Variants in STK35 observed in about 807,000 individuals in gnomAD.
STK35 encodes serine/threonine kinase 35, also known as serine/threonine-protein kinase 35.
STK35 carries 17 observed loss-of-function variants against 37.3 expected under a neutral mutation model. The ratio of observed to expected loss-of-function variants is 0.46; its 90% CI spans 0.31 to 0.68. The LOEUF is 0.68. Among genes scored for constraint, STK35 ranks in the 30% least tolerant of loss-of-function variants. The pLI is 0.05. For synonymous variants in STK35, 385 were observed against 319.1 expected, an observed-to-expected ratio of 1.21 and a Z score of -2.20; for missense variants, 595 against 746.7, an observed-to-expected ratio of 0.80 and a Z score of 2.37.
At position 2,102,916 on chromosome 20, in the gene STK35, C is replaced by T. The variant is rs749717185; in HGVS notation, c.443C>T (p.Pro148Leu). 3.9e-6 allele frequency: 6 copies of T among 1,555,152 alleles called. No homozygotes were observed. The highest frequency in any genetic ancestry group is 4.3e-6 in the Non-Finnish European group (5 of 1,159,360). The change falls in exon 2 of 4, where the codon CCG (proline) becomes CTG (leucine). Residue 148 changes from proline to leucine, a missense_variant. Transcript: ENST00000381482. ...GGCGCCCGCAGAGGTACACAAAGCC[C>T]GGAGCGGAAAAGGCGAAGCCCAGTG... is the stretch of plus-strand genomic sequence containing the variant. Reference protein sequence around the residue: ...KDGARRGTQSPERKRRSPVPR... With the variant: ...KDGARRGTQSLERKRRSPVPR...
chr20:2,107,576 T>C (rs4814973), intron 2 of STK35, among the ~76,000 whole-genome samples: 8,881 of 152,062 alleles, frequency 0.058, 341 homozygotes, highest in Admixed American at 0.11. Context: ...TCTTAGAAAA[T>C]AGTACAGTTG....
intron 3 of STK35, among the ~76,000 whole-genome samples, chr20:2,121,261 G>C (rs1985811995): frequency 6.6e-6 from 1 of 152,316 alleles, no homozygotes; most frequent in East Asian, 1.9e-4. Flanking sequence ...AAGATGGGAG[G>C]CTGTTGCAAT....
At chr20:2,118,076 C>A (rs1036726131) in intron 3 of STK35, among the ~76,000 whole-genome samples, 1 of 152,096 alleles carries the variant, frequency 6.6e-6, no homozygotes, top group Non-Finnish European at 1.5e-5. Flanking sequence ...GATTGTATCC[C>A]ACCTACTCAC....
intron 2 of STK35, among the ~76,000 whole-genome samples, chr20:2,104,280 A>C (rs1985471263): frequency 6.6e-6 from 1 of 152,152 alleles, no homozygotes; most frequent in Non-Finnish European, 1.5e-5. Context: ...GTTTGAGGAG[A>C]CTTTCCGAGG....
In STK35 at chr20:2,102,068, T is replaced by G. The variant is rs929740729; in HGVS notation, c.187T>G (p.Ser63Ala). 5.1e-5 allele frequency: 78 copies of G among 1,521,612 alleles called. No homozygotes were observed. The African/African-American group carries it at 1.0e-3, about 20-fold the overall frequency. 94.3% of individuals were successfully genotyped at this position (1,521,612 alleles called of 1,614,324 possible). A position where few individuals can be genotyped will look rare whatever the true frequency, so the allele number is the denominator to read the frequency against. ...TACACGCCGGGCTCGGGCCGCCACC[T>G]CCCGCGCTGCTCGGTCCCGGAGGCA... ...SATRRARAATSRAARSRRQPG... is the reference protein window; with the variant it reads ...SATRRARAATARAARSRRQPG... Residue 63 changes from serine (S) to alanine (A), a missense_variant, in exon 1 of 4, where the codon TCC becomes GCC. Ser to Ala is a moderately conservative substitution (Grantham distance 99, BLOSUM62 1). Transcript: ENST00000381482.
chr20:2,102,898 G>T lies in STK35; in HGVS notation c.425G>T (p.Arg142Leu), dbSNP rs1409854331. The T allele has an allele frequency of 6.4e-7, 1 of 1,565,564 alleles. No individual in the cohort carries two copies. Among genetic ancestry groups the T allele is most frequent in the Admixed American group, 1.8e-5 (1 of 56,020 alleles). The change falls in exon 2 of 4, where the codon CGC becomes CTC. Residue 142 changes from arginine to leucine, a missense_variant. Arg to Leu is a moderately radical substitution (Grantham distance 102). This residue lies in a region of STK35 where 389 missense variants were observed against 320.0 expected (regional missense o/e 1.22). Coordinates refer to ENST00000381482, the MANE Select transcript of STK35 (RefSeq NM_080836.4). ...AAMETGKDGA[R>L]RGTQSPERKR... Reference sequence around the variant, plus strand: ...ATGGAAACGGGGAAGGACGGCGCCCGCAGAGGTACACAAAGCCCGGAGCGG... The same window carrying T: ...ATGGAAACGGGGAAGGACGGCGCCCTCAGAGGTACACAAAGCCCGGAGCGG...
chr20:2,135,587 G>T (rs1986073211), intron 3 of STK35, among the ~76,000 whole-genome samples: 1 of 152,248 alleles, frequency 6.6e-6, no homozygotes, highest in Admixed American at 6.5e-5. Context: ...CTTGGGCAGG[G>T]CGTTGTGGCT....
chr20:2,133,842 C>T (rs1016483107), intron 3 of STK35, among the ~76,000 whole-genome samples: 26 of 152,234 alleles, frequency 1.7e-4, no homozygotes, highest in African/African-American at 6.3e-4. Context: ...TAACTGCTTG[C>T]TCCACTGCCC....
At chr20:2,104,410 A>G (rs775286707) in intron 2 of STK35, among the ~76,000 whole-genome samples, 59 of 152,366 alleles carry the variant, frequency 3.9e-4, no homozygotes, top group Middle Eastern at 3.4e-3. Context: ...TAAATAAACT[A>G]AGGCTTAGAA....
intron 2 of STK35, among the ~76,000 whole-genome samples, chr20:2,111,127 C>T (rs1985609341): frequency 6.6e-6 from 1 of 152,180 alleles, no homozygotes; most frequent in African/African-American, 2.4e-5. Flanking sequence ...CCTCTTCTCA[C>T]CTCCTCCCTT....
chr20:2,117,403 G>C lies in STK35; in HGVS notation c.*25G>C. ...AAATTCAGGGCTAAGCATTTTGGGT[G>C]ATTTTAAACTAGGTGAGTGCTCTCT... On this transcript the variant is annotated 3_prime_UTR_variant, in exon 3 of 4. Transcript: ENST00000381482. This position sits in a 1 kb window ranked among gnomAD's most constrained non-coding sequence, Gnocchi z 4.4. 6.5e-7 allele frequency: 1 copy of C among 1,549,610 alleles called. No individual in the cohort carries two copies. The highest frequency in any genetic ancestry group is 8.8e-7 in the Non-Finnish European group (1 of 1,137,544).
At chr20:2,133,267 T>C (rs967746878) in intron 3 of STK35, among the ~76,000 whole-genome samples, 1 of 152,206 alleles carries the variant, frequency 6.6e-6, no homozygotes, top group Non-Finnish European at 1.5e-5. Flanking sequence ...TAATGGCACC[T>C]TAGCATCTTC....
rs1568571855 is a variant in STK35, at chr20:2,102,157, GT to G, written c.277del (p.Trp93GlyfsTer72). The G allele has an allele frequency of 7.3e-7, 1 of 1,371,296 alleles. No homozygotes were observed. The highest frequency in any genetic ancestry group is 3.0e-5 in the East Asian group (1 of 33,382). 84.9% of individuals were successfully genotyped at this position (1,371,296 alleles called of 1,614,324 possible). ...APGGKRAARK[W>X]RCAGQVTIQG... ...CAGGGGGGAAACGGGCCGCCCGGAA[GT>G]GGAGGTGCGCGGGCCAGGTAAGGGC... On this transcript the variant is annotated frameshift_variant, in exon 1 of 4. Coordinates refer to ENST00000381482, the MANE Select transcript of STK35 (RefSeq NM_080836.4). LOFTEE classifies it high-confidence loss of function.
At chr20:2,134,473 C>T (rs1986052000) in intron 3 of STK35, among the ~76,000 whole-genome samples, 1 of 152,190 alleles carries the variant, frequency 6.6e-6, no homozygotes, top group Non-Finnish European at 1.5e-5. Context: ...TTAGAGCACT[C>T]ATGTGCCACT....
intron 2 of STK35, among the ~76,000 whole-genome samples, chr20:2,113,261 G>A (rs1985653503): frequency 6.6e-6 from 1 of 152,224 alleles, no homozygotes; most frequent in African/African-American, 2.4e-5. Context: ...CAAAACATCT[G>A]CAGAATGTGC....
At chr20:2,140,050 C>T (rs937740088) in intron 3 of STK35, among the ~76,000 whole-genome samples, 2 of 152,190 alleles carry the variant, frequency 1.3e-5, no homozygotes, top group African/African-American at 4.8e-5. Flanking sequence ...TTCTACTGCT[C>T]AGCAACTCTG....
intron 3 of STK35, among the ~76,000 whole-genome samples, chr20:2,127,823 G>GC (rs201227756): frequency 0.012 from 1,847 of 152,292 alleles, 34 homozygotes; most frequent in African/African-American, 0.042. Flanking sequence ...TGGGATCATT[G>GC]CCATAGAGAG....
Position 2,124,994 on chromosome 20 carries a change from G to A in STK35, c.*37+7579G>A, listed in dbSNP as rs184065319. On this transcript the variant is annotated intron_variant, in intron 3 of 3. Coordinates refer to ENST00000381482, the MANE Select transcript of STK35 (RefSeq NM_080836.4). ...GCCGATGGCCCCCCAGGGATCATCT[G>A]TCCCTTGCAGCTCTGCAGGACTTGA... 2.3e-3 allele frequency among the ~76,000 whole-genome samples: 349 copies of A among 152,306 alleles called. 2 individuals are homozygous for A. The highest frequency in any genetic ancestry group is 7.7e-3 in the African/African-American group (319 of 41,582).
At chr20:2,110,623 C>G (rs979689615) in intron 2 of STK35, among the ~76,000 whole-genome samples, 1 of 152,118 alleles carries the variant, frequency 6.6e-6, no homozygotes, top group Non-Finnish European at 1.5e-5. Flanking sequence ...GAATGAATTC[C>G]TCAAGTGGGA....
Sources: gnomAD v4.1 joint callset for allele counts (sites outside exome capture counted in the v4.1 genomes callset) on GRCh38, gnomAD v4.1.1 for gene constraint, gnomAD v4.1.1 regional missense constraint, Gnocchi (gnomAD v3.1) non-coding constraint, MANE v1.5 for transcripts, NCBI Gene and HGNC (gene_info 2026-07-23, HGNC 2026-07-21) for gene names.